Variants in OTUD5 observed in about 807,000 individuals in gnomAD.
The protein encoded by OTUD5 is OTU domain-containing protein 5.
A neutral mutation model predicts 36.3 loss-of-function variants in OTUD5; 2 were observed. That is an observed-to-expected ratio of 0.06 (90% confidence interval 0.02 to 0.17). OTUD5 has a LOEUF of 0.17. OTUD5 is among the 10% of genes least tolerant of loss of function. OTUD5 has a pLI of 1.00. For synonymous variants in OTUD5, 234 were observed against 214.9 expected (o/e 1.09, Z -0.78); for missense variants, 233 against 512.3 (o/e 0.45, Z 5.26).
Position 48,944,237 on chromosome X carries a change from A to G in OTUD5, c.641T>C (p.Ile214Thr), listed in dbSNP as rs2063983404. 8.3e-7 allele frequency: 1 copy of G among 1,207,602 alleles called. No individual in the cohort carries two copies. The highest frequency in any genetic ancestry group is 3.0e-5 in the East Asian group (1 of 33,749). The change falls in exon 2 of 9, where the codon ATC (isoleucine) becomes ACC (threonine). Residue 214 changes from isoleucine to threonine, a missense_variant. Around this residue, in one of 3 missense-constraint regions of OTUD5, gnomAD observed 155 missense variants for 217.2 expected, o/e 0.71. Coordinates refer to ENST00000376488, the MANE Select transcript of OTUD5 (RefSeq NM_001136157.2). ...EKALRDKKGF[I>T]IKQMKEDGAC... ...GCCATCCTCCTTCATCTGCTTGATG[A>G]TGAAGCCCTTCTTGTCTCGTAGGGC...
rs782034192 is a variant in OTUD5, at chrX:48,929,861, T to C, written c.1060-3811A>G. Among the ~76,000 whole-genome samples, 221 of 111,559 alleles carry C rather than the reference T, an allele frequency of 2.0e-3. 1 individual carries two copies. Among genetic ancestry groups the C allele is most frequent in the African/African-American group, 7.0e-3 (215 of 30,710 alleles). On this transcript the variant is annotated intron_variant, in intron 5 of 8. Coordinates refer to ENST00000376488, the MANE Select transcript of OTUD5 (RefSeq NM_001136157.2). ...GCTCACGCCTGTAATCCCAGCACTTTGGGAGGCCGAGGCGGGCGGATCACG... is the reference window on the plus strand; with the variant it reads ...GCTCACGCCTGTAATCCCAGCACTTCGGGAGGCCGAGGCGGGCGGATCACG...
At chrX:48,949,561 C>T (rs1304803988) in intron 1 of OTUD5, among the ~76,000 whole-genome samples, 3 of 111,290 alleles carry the variant, frequency 2.7e-5, no homozygotes. Context: ...GCCTGTAATC[C>T]CAACTACTCA....
rs200995116 is a variant in OTUD5, at chrX:48,944,257, T to C, written c.621A>G (p.Leu207=). 14 of 1,199,749 alleles carry C rather than the reference T, an allele frequency of 1.2e-5. No homozygotes were observed. In the African/African-American group the frequency reaches 2.5e-4, roughly 21 times the overall value. The change falls in exon 2 of 9, where the codon CTA becomes CTG. Residue 207 remains leucine, a synonymous_variant. Transcript: ENST00000376488. The part of the protein sequence containing the change: ...EQQEHWFEKA[L]RDKKGFIIKQ... ...TGATGATGAAGCCCTTCTTGTCTCG[T>C]AGGGCCTTTTCAAACCAATGCTCCT...
chrX:48,947,611 G>T (rs2064053700), intron 1 of OTUD5, among the ~76,000 whole-genome samples: 2 of 108,648 alleles, frequency 1.8e-5, no homozygotes, highest in Non-Finnish European at 1.9e-5. Context: ...GCTGAGGCAG[G>T]AGAATCGCTT....
chrX:48,952,009 T>C (rs2064156151), intron 1 of OTUD5, among the ~76,000 whole-genome samples: 1 of 110,119 alleles, frequency 9.1e-6, no homozygotes, highest in African/African-American at 3.3e-5. Flanking sequence ...CGACCTGAGA[T>C]TGCGCCACTG....
intron 1 of OTUD5, among the ~76,000 whole-genome samples, chrX:48,949,967 G>A (rs2064104937): frequency 1.8e-5 from 2 of 110,041 alleles, no homozygotes; most frequent in Admixed American, 1.9e-4. Context: ...TGGCCAACAT[G>A]GCAAAACCCC....
intron 5 of OTUD5, among the ~76,000 whole-genome samples, chrX:48,932,062 T>C (rs1432632734): frequency 9.6e-6 from 1 of 104,711 alleles, no homozygotes; most frequent in Non-Finnish European, 1.9e-5. Context: ...GGCAAGAGAA[T>C]TGCTTGAACC....
In OTUD5 at chrX:48,957,366, C is replaced by T. The variant is rs1346686195; in HGVS notation, c.205G>A (p.Gly69Ser). The part of the protein sequence containing the change: ...ARPRASPPPQ[G>S]PLPGPPGALH... ...GCGCCCGGCGGTCCTGGTAGCGGGC[C>T]TTGAGGCGGTGGCGAAGCTCGCGGA... Residue 69 changes from glycine (G) to serine (S), a missense_variant, in exon 1 of 9, where the codon GGC (glycine) becomes AGC (serine). By Grantham distance (56) the Gly-to-Ser change is moderately conservative. Around this residue, in one of 3 missense-constraint regions of OTUD5, gnomAD observed 155 missense variants for 217.2 expected, o/e 0.71. Transcript: ENST00000376488. The T allele has an allele frequency of 5.5e-5, 62 of 1,122,453 alleles. 1 individual carries two copies. The highest frequency in any genetic ancestry group is 7.0e-5 in the Non-Finnish European group (60 of 859,784). The allele number at this position is 1,122,453 out of a possible 1,213,427, so 92.5% of individuals were successfully genotyped here. A position where few individuals can be genotyped will look rare whatever the true frequency, so the allele number is the denominator to read the frequency against.
At position 48,944,089 on chromosome X, in the gene OTUD5, T is replaced by G. The variant is rs1249648369; in HGVS notation, c.688+101A>C. On this transcript the variant is annotated intron_variant, in intron 2 of 8. Transcript: ENST00000376488. ...CTGGAGCCTAGAGTCCCTAAAAGAT[T>G]AGCTAGCTCTGCCTCAACCCTGTCT... 5.4e-6 allele frequency: 3 copies of G among 553,888 alleles called. No homozygotes were observed. In the East Asian group the frequency reaches 1.1e-4, roughly 20 times the overall value. 45.6% of individuals were successfully genotyped at this position (553,888 alleles called of 1,213,427 possible). A position where few individuals can be genotyped will look rare whatever the true frequency, so the allele number is the denominator to read the frequency against.
At position 48,957,588 on chromosome X, in the gene OTUD5, C is replaced by T. The variant is rs1398151689; in HGVS notation, c.-18G>A. 2 of 819,357 alleles carry T rather than the reference C, an allele frequency of 2.4e-6. No individual in the cohort carries two copies. The highest frequency in any genetic ancestry group is 1.5e-6 in the Non-Finnish European group (1 of 674,563). 67.5% of individuals were successfully genotyped at this position (819,357 alleles called of 1,213,427 possible). ...ATAGTCATGGCTGCACTGCCGAGTA[C>T]CCCCCAACAAACCCGGCGCGGGGCA... is the stretch of plus-strand genomic sequence containing the variant. On this transcript the variant is annotated 5_prime_UTR_variant, in exon 1 of 9. Coordinates refer to ENST00000376488, the MANE Select transcript of OTUD5 (RefSeq NM_001136157.2).
chrX:48,936,132 C>T (rs963630776), intron 2 of OTUD5: 6 of 109,884 alleles, frequency 5.5e-5, no homozygotes, highest in Non-Finnish European at 7.6e-5. Flanking sequence ...TAAAATCCTG[C>T]CCCTACCTTC....
intron 1 of OTUD5, among the ~76,000 whole-genome samples, chrX:48,946,141 A>G (rs1272186841): frequency 8.9e-6 from 1 of 112,090 alleles, no homozygotes. Flanking sequence ...CCATCCCCTA[A>G]GAAAGCCAGA....
At chrX:48,932,816 A>G (rs2063776099) in intron 5 of OTUD5, among the ~76,000 whole-genome samples, 1 of 110,970 alleles carries the variant, frequency 9.0e-6, no homozygotes, top group African/African-American at 3.3e-5. Context: ...TTTTACAAAA[A>G]GTTTTTTTAA....
Position 48,956,983 on chromosome X carries a change from G to A in OTUD5, c.588C>T (p.Val196=), listed in dbSNP as rs372757553. ...CTCACCCCACAGCTCTTACCTGCTC[G>A]ACAGTGGCAGGGTCCATAGCCTCGA... ...ARIEAMDPAT[V]EQQEHWFEKA... is the part of the protein sequence containing the mutation. Residue 196 remains valine (V), a synonymous_variant, in exon 1 of 9, where the codon GTC becomes GTT. Transcript: ENST00000376488. 34 of 1,173,845 alleles carry A rather than the reference G, an allele frequency of 2.9e-5. No homozygotes were observed. Among genetic ancestry groups the A allele is most frequent in the Non-Finnish European group, 3.8e-5 (33 of 876,528 alleles).
At chrX:48,924,975 T>C in intron 6 of OTUD5, among the ~76,000 whole-genome samples, 2 of 111,462 alleles carry the variant, frequency 1.8e-5, no homozygotes, top group South Asian at 3.7e-4. Context: ...TAGGTATTTG[T>C]GGAATAAAAC....
intron 1 of OTUD5, among the ~76,000 whole-genome samples, chrX:48,954,458 A>G (rs1310149756): frequency 9.0e-6 from 1 of 111,199 alleles, no homozygotes; most frequent in Non-Finnish European, 1.9e-5. Context: ...TGTCCCTAGG[A>G]CCAGTGATGT....
intron 2 of OTUD5, among the ~76,000 whole-genome samples, chrX:48,942,855 T>G (rs781973771): frequency 4.5e-5 from 5 of 110,378 alleles, no homozygotes; most frequent in Non-Finnish European, 9.5e-5. Flanking sequence ...GTTACAGCAT[T>G]AGGGTCTTTT....
chrX:48,924,434 C>T (rs1557047227), intron 6 of OTUD5, among the ~76,000 whole-genome samples: 1 of 111,711 alleles, frequency 9.0e-6, no homozygotes, highest in Non-Finnish European at 1.9e-5. Flanking sequence ...GGATGACTAG[C>T]AGGCAAGGCG....
At chrX:48,924,368 G>C (rs782604807) in intron 6 of OTUD5, among the ~76,000 whole-genome samples, 1 of 111,668 alleles carries the variant, frequency 9.0e-6, no homozygotes, top group African/African-American at 3.3e-5. Flanking sequence ...CTGGCCTACT[G>C]CAGTAGCCTC....
Sources: gnomAD v4.1 joint callset for allele counts (sites outside exome capture counted in the v4.1 genomes callset) on GRCh38, gnomAD v4.1.1 for gene constraint, gnomAD v4.1.1 regional missense constraint, MANE v1.5 for transcripts, NCBI Gene and HGNC (gene_info 2026-07-23, HGNC 2026-07-21) for gene names.